The following MAPK10 variants were observed in gnomAD, a reference collection of about 807,000 sequenced individuals.
The protein encoded by MAPK10 is JNK3 alpha protein kinase.
A neutral mutation model predicts 59.3 loss-of-function variants in MAPK10; 25 were observed. The observed-to-expected ratio is 0.42, with a 90% CI of 0.31 to 0.59. The LOEUF (loss-of-function observed/expected upper bound fraction) is 0.59. MAPK10 is among the 20% of genes least tolerant of loss of function. The pLI is 0.15. For missense variants in MAPK10, 351 were observed against 568.9 expected, an observed-to-expected ratio of 0.62 and a Z score of 3.90; for synonymous variants, 190 against 200.5, an observed-to-expected ratio of 0.95 and a Z score of 0.44.
intron 1 of MAPK10, among the ~76,000 whole-genome samples, chr4:86,402,777 G>A (rs545112299): frequency 1.2e-3 from 183 of 152,218 alleles, no homozygotes; most frequent in African/African-American, 4.0e-3. Context: ...AAGGCCATTC[G>A]GTGGCCTCAA....
intron 2 of MAPK10, among the ~76,000 whole-genome samples, chr4:86,346,829 T>A (rs1330884293): frequency 1.3e-5 from 2 of 152,062 alleles, no homozygotes; most frequent in African/African-American, 4.8e-5. Flanking sequence ...TTCACGTAGT[T>A]TTTGCTAAAT....
chr4:86,525,092 T>C (rs1381929147), intron 1 of MAPK10, among the ~76,000 whole-genome samples: 2 of 152,002 alleles, frequency 1.3e-5, no homozygotes, highest in Non-Finnish European at 2.9e-5. Context: ...GAGCTCGAGT[T>C]CGAGACCAGC....
intron 4 of MAPK10, among the ~76,000 whole-genome samples, chr4:86,138,791 T>C (rs1287872609): frequency 3.3e-5 from 5 of 152,016 alleles, no homozygotes; most frequent in African/African-American, 9.7e-5. Context: ...AAAACCCCAT[T>C]GTCTTAGCCC....
At chr4:86,128,288 A>G (rs2060410172) in intron 4 of MAPK10, among the ~76,000 whole-genome samples, 1 of 152,138 alleles carries the variant, frequency 6.6e-6, no homozygotes, top group African/African-American at 2.4e-5. Context: ...TACTATTGAT[A>G]TGGTTTGGCT....
At chr4:86,393,871 A>G (rs1450861347) in intron 1 of MAPK10, among the ~76,000 whole-genome samples, 1 of 152,192 alleles carries the variant, frequency 6.6e-6, no homozygotes, top group Non-Finnish European at 1.5e-5. Context: ...TAAATCACAT[A>G]AGGTGAAGTA....
At chr4:86,109,609 C>T (rs1177017757) in intron 4 of MAPK10, among the ~76,000 whole-genome samples, 1 of 152,186 alleles carries the variant, frequency 6.6e-6, no homozygotes, top group Non-Finnish European at 1.5e-5. Context: ...TGCATATGTA[C>T]CACATTTTCT....
chr4:86,518,072 G>A (rs1034918013), intron 1 of MAPK10, among the ~76,000 whole-genome samples: 3 of 152,152 alleles, frequency 2.0e-5, no homozygotes, highest in Non-Finnish European at 2.9e-5. Flanking sequence ...ACCCAGACTG[G>A]AGTACAGTGG....
chr4:86,343,040 C>T (rs1725955385), intron 2 of MAPK10, among the ~76,000 whole-genome samples: 1 of 152,178 alleles, frequency 6.6e-6, no homozygotes, highest in Admixed American at 6.5e-5. Context: ...GTCTCTGATG[C>T]CATGTCCCCT....
intron 1 of MAPK10, among the ~76,000 whole-genome samples, chr4:86,582,845 A>T (rs1483312831): frequency 6.6e-6 from 1 of 152,146 alleles, no homozygotes; most frequent in Non-Finnish European, 1.5e-5. Flanking sequence ...TTTTTATCTT[A>T]CTACTGTGGT....
intron 11 of MAPK10, among the ~76,000 whole-genome samples, chr4:86,043,062 G>A (rs1366698486): frequency 1.3e-5 from 2 of 152,102 alleles, no homozygotes; most frequent in African/African-American, 2.4e-5. Context: ...TGTTGATTTT[G>A]CAATGCCAAT....
At chr4:86,351,485 A>C (rs1285720548) in intron 2 of MAPK10, among the ~76,000 whole-genome samples, 1 of 152,008 alleles carries the variant, frequency 6.6e-6, no homozygotes, top group Non-Finnish European at 1.5e-5. Flanking sequence ...TTGAGACTTT[A>C]AAAATCCTTC....
intron 1 of MAPK10, among the ~76,000 whole-genome samples, chr4:86,502,612 G>C (rs550152027): frequency 3.3e-5 from 5 of 152,044 alleles, no homozygotes; most frequent in African/African-American, 1.2e-4. Flanking sequence ...AGTTTTTGAG[G>C]CATATTCTTG....
At chr4:86,100,857 T>C (rs2055223497) in intron 8 of MAPK10, 195 bp downstream of exon 8, 1 of 507,116 alleles carries the variant, frequency 2.0e-6, no homozygotes, top group Non-Finnish European at 3.5e-6. Flanking sequence ...CTAGCAAAAC[T>C]GACTTCTCAA....
chr4:86,162,126 T>C (rs11943866), intron 3 of MAPK10, among the ~76,000 whole-genome samples: 1 of 151,768 alleles, frequency 6.6e-6, no homozygotes, highest in African/African-American at 2.4e-5. Flanking sequence ...AAAGATAAGG[T>C]TCAGTCTAGA....
chr4:86,192,876 C>G (rs1042987709), intron 3 of MAPK10: 2 of 152,064 alleles, frequency 1.3e-5, no homozygotes, highest in African/African-American at 4.8e-5. Flanking sequence ...GAATTTTCAG[C>G]CTTTTTGTGC....
chr4:86,382,725 C>A (rs919843732), intron 1 of MAPK10, among the ~76,000 whole-genome samples: 2 of 152,206 alleles, frequency 1.3e-5, no homozygotes, highest in Non-Finnish European at 2.9e-5. Flanking sequence ...TGATTCCCAT[C>A]CTGCACCTCA....
At chr4:86,540,667 T>C (rs995015621) in intron 1 of MAPK10, among the ~76,000 whole-genome samples, 7 of 152,132 alleles carry the variant, frequency 4.6e-5, no homozygotes, top group African/African-American at 1.7e-4. Context: ...TCTTGCCTGA[T>C]AGCAAGGAAG....
chr4:86,183,732 C>T (rs1185392500), intron 3 of MAPK10, among the ~76,000 whole-genome samples: 7 of 152,132 alleles, frequency 4.6e-5, no homozygotes, highest in African/African-American at 1.2e-4. Context: ...TCCACAATGG[C>T]TGAACTAGTT....
chr4:86,031,432 CT>C lies in MAPK10; in HGVS notation c.1111-2del. On this transcript the variant is annotated splice_acceptor_variant, in intron 11 of 13. Coordinates refer to ENST00000641462, the MANE Select transcript of MAPK10 (RefSeq NM_138982.4). LOFTEE classifies it high-confidence loss of function. ...GCTTGTCATATATCTGAGGTGGAGG[CT>C]GCCGAATAAAAACAAAAAATAATCT... 1 of 1,610,492 alleles carries C rather than the reference CT, an allele frequency of 6.2e-7. No homozygotes were observed. Among genetic ancestry groups the C allele is most frequent in the Non-Finnish European group, 8.5e-7 (1 of 1,177,314 alleles).
Sources: allele counts gnomAD v4.1 joint callset (sites outside exome capture counted in the v4.1 genomes callset), GRCh38; gene constraint gnomAD v4.1.1; transcripts MANE v1.5; gene names NCBI Gene and HGNC (gene_info 2026-07-23, HGNC 2026-07-21).